Variants in SDK1 observed in about 807,000 individuals in gnomAD.
The protein encoded by SDK1 is sidekick cell adhesion molecule 1.
Under a neutral mutation model 245.5 loss-of-function variants are expected in SDK1, and 157 were observed. That is an observed-to-expected ratio of 0.64 (90% CI 0.56 to 0.73). The LOEUF is 0.73. Among genes scored for constraint, SDK1 ranks in the 30% least tolerant of loss-of-function variants. The probability of loss-of-function intolerance (pLI) is 0.00; values close to 1 mark genes in which losing one functional copy is unlikely to be tolerated. For missense variants in SDK1, 3,583 were observed against 3,002.3 expected, an observed-to-expected ratio of 1.19 and a Z score of -4.52; for synonymous variants, 1,647 against 1,278.5, an observed-to-expected ratio of 1.29 and a Z score of -6.15.
chr7:3,829,052 A>G (rs1025866068), intron 5 of SDK1, among the ~76,000 whole-genome samples: 1 of 152,198 alleles, frequency 6.6e-6, no homozygotes, highest in Admixed American at 6.5e-5. Context: ...GATGCTGTGT[A>G]TCAAATGTTT....
intron 1 of SDK1, among the ~76,000 whole-genome samples, chr7:3,361,457 C>T (rs577053067): frequency 2.0e-5 from 3 of 152,332 alleles, no homozygotes; most frequent in Admixed American, 1.3e-4. Context: ...CTCTTCCCTT[C>T]CCAGCATCTC....
At chr7:3,924,844 G>T (rs1444860325) in intron 5 of SDK1, among the ~76,000 whole-genome samples, 1 of 152,154 alleles carries the variant, frequency 6.6e-6, no homozygotes, top group Non-Finnish European at 1.5e-5. Context: ...GTGTGTGACA[G>T]AGGTGAGGGG....
chr7:3,577,653 A>G (rs1780337370), intron 1 of SDK1, among the ~76,000 whole-genome samples: 1 of 151,994 alleles, frequency 6.6e-6, no homozygotes. Flanking sequence ...CTGTGCTAGG[A>G]GCTGTCAATG....
At chr7:4,168,915 C>T (rs1584353038) in intron 32 of SDK1, among the ~76,000 whole-genome samples, 1 of 152,194 alleles carries the variant, frequency 6.6e-6, no homozygotes, top group East Asian at 1.9e-4. Flanking sequence ...CCACTCCCAC[C>T]CCACCACCAG....
At chr7:4,121,137 A>T (rs1018659142) in intron 25 of SDK1, among the ~76,000 whole-genome samples, 11 of 152,132 alleles carry the variant, frequency 7.2e-5, no homozygotes, top group African/African-American at 2.7e-4. Flanking sequence ...TTTACACAAG[A>T]ACCCTGAGGA....
intron 1 of SDK1, among the ~76,000 whole-genome samples, chr7:3,384,452 T>C (rs2128567905): frequency 6.6e-6 from 1 of 152,312 alleles, no homozygotes; most frequent in East Asian, 1.9e-4. Context: ...CCTATATGCT[T>C]TTAGAAGAGT....
rs188065138 is a variant in SDK1 at position 3,379,142 on chromosome 7, C to T, written c.298+77258C>T. ...TCTTTAGATTTGCCATCATTGGTCC[C>T]GTCACTTTTCTAGAAATTTAATCTG... On this transcript the variant is annotated intron_variant, in intron 1 of 44. Transcript: ENST00000404826. 2.7e-4 allele frequency among the ~76,000 whole-genome samples: 41 copies of T among 152,256 alleles called. No homozygotes were observed. In the East Asian group the frequency reaches 2.7e-3, roughly 10 times the overall value.
chr7:3,986,886 G>A (rs1255496737), intron 13 of SDK1, among the ~76,000 whole-genome samples: 1 of 152,110 alleles, frequency 6.6e-6, no homozygotes, highest in Non-Finnish European at 1.5e-5. Context: ...AATAATGTAT[G>A]TGTAAACGTC....
At chr7:3,403,614 A>G (rs1778947671) in intron 1 of SDK1, among the ~76,000 whole-genome samples, 1 of 151,642 alleles carries the variant, frequency 6.6e-6, no homozygotes, top group South Asian at 2.1e-4. Flanking sequence ...AAGAGTAAAG[A>G]GAGCACAAAT....
At chr7:3,362,890 G>A (rs955626991) in intron 1 of SDK1, among the ~76,000 whole-genome samples, 1 of 152,128 alleles carries the variant, frequency 6.6e-6, no homozygotes, top group Admixed American at 6.5e-5. Context: ...TTTCAGTGTA[G>A]TTCAGTCACT....
At chr7:3,726,776 G>T (rs1047344760) in intron 4 of SDK1, among the ~76,000 whole-genome samples, 1 of 152,144 alleles carries the variant, frequency 6.6e-6, no homozygotes, top group Non-Finnish European at 1.5e-5. Context: ...CTGCAGAAGG[G>T]TGTCCAAACT....
intron 4 of SDK1, among the ~76,000 whole-genome samples, chr7:3,755,586 G>T (rs568621966): frequency 4.6e-5 from 7 of 152,230 alleles, no homozygotes; most frequent in African/African-American, 1.7e-4. Flanking sequence ...ATGAGGAACA[G>T]AGTCTGATAA....
intron 1 of SDK1, among the ~76,000 whole-genome samples, chr7:3,527,230 A>G (rs1484721866): frequency 6.6e-6 from 1 of 152,236 alleles, no homozygotes; most frequent in Non-Finnish European, 1.5e-5. Context: ...AAGCAATGGG[A>G]ATGCTATGGT....
intron 1 of SDK1, among the ~76,000 whole-genome samples, chr7:3,602,421 A>C (rs1011852161): frequency 6.7e-6 from 1 of 149,254 alleles, no homozygotes; most frequent in African/African-American, 2.4e-5. Context: ...CATTTATCTG[A>C]TGGCCAGTGA....
intron 1 of SDK1, among the ~76,000 whole-genome samples, chr7:3,366,149 G>T (rs1356614226): frequency 6.6e-6 from 1 of 151,964 alleles, no homozygotes; most frequent in Non-Finnish European, 1.5e-5. Context: ...TCAATTTCTG[G>T]ATTAATTCTT....
At chr7:3,743,019 C>G (rs1465964003) in intron 4 of SDK1, among the ~76,000 whole-genome samples, 1 of 152,210 alleles carries the variant, frequency 6.6e-6, no homozygotes, top group Non-Finnish European at 1.5e-5. Flanking sequence ...CATGGTCCTA[C>G]TTATTGATAG....
Position 4,178,556 on chromosome 7 carries a change from G to A in SDK1, c.5068G>A (p.Ala1690Thr), listed in dbSNP as rs368782126. The change falls in exon 35 of 45, where the codon GCG (alanine) becomes ACG (threonine). Residue 1690 changes from alanine (A) to threonine (T), a missense_variant. Transcript: ENST00000404826. ...YNIIGESPAS[A>T]PVEVFVGEAA... Reference sequence around the variant, plus strand: ...CATCATCGGCGAGAGCCCAGCCAGCGCGCCCGTGGAGGTCTTTGTCGGCGA... The same window carrying A: ...CATCATCGGCGAGAGCCCAGCCAGCACGCCCGTGGAGGTCTTTGTCGGCGA... The A allele has an allele frequency of 1.9e-5, 30 of 1,612,956 alleles. No homozygotes were observed. Among genetic ancestry groups the A allele is most frequent in the East Asian group, 2.2e-5 (1 of 44,898 alleles).
chr7:3,472,823 C>T (rs943841941), intron 1 of SDK1, among the ~76,000 whole-genome samples: 4 of 152,028 alleles, frequency 2.6e-5, no homozygotes, highest in Non-Finnish European at 4.4e-5. Flanking sequence ...AGTTGCTTGC[C>T]GTAGTTTTAG....
chr7:4,208,075 C>G (rs1784325277), intron 36 of SDK1, 24 bp from the exon 37 acceptor site: 1 of 1,592,596 alleles, frequency 6.3e-7, no homozygotes, highest in South Asian at 1.1e-5. Flanking sequence ...AGGACCCACC[C>G]CAACCTCTTG....
Sources: gnomAD v4.1 joint callset for allele counts (sites outside exome capture counted in the v4.1 genomes callset) on GRCh38, gnomAD v4.1.1 for gene constraint, MANE v1.5 for transcripts, NCBI Gene and HGNC (gene_info 2026-07-23, HGNC 2026-07-21) for gene names.